CARF: variants seen among roughly 807,000 people sequenced by gnomAD.
CARF encodes calcium-responsive transcription factor.
In CARF, 57 loss-of-function variants were observed where a neutral mutation model predicts 82.0. The observed-to-expected ratio is 0.70, with a 90% CI of 0.56 to 0.87. The LOEUF (loss-of-function observed/expected upper bound fraction) is 0.87, where lower values mean the gene tolerates loss of function less well. CARF is among the 40% of genes least tolerant of loss of function. The pLI is 0.00. For synonymous variants in CARF, 268 were observed against 290.1 expected, an observed-to-expected ratio of 0.92 and a Z score of 0.77; for missense variants, 771 against 855.8, an observed-to-expected ratio of 0.90 and a Z score of 1.24.
At position 202,986,172 on chromosome 2, in the gene CARF, G is replaced by T. The variant is rs2060421265; in HGVS notation, c.*2548G>T. ...TTCAAGGAGTAGCTCTTTAAAAATG[G>T]TTTCTAAATTAGATTTTAAAAATTC... is the stretch of plus-strand genomic sequence containing the variant. On this transcript the variant is annotated 3_prime_UTR_variant, in exon 17 of 17. Coordinates refer to ENST00000438828, the MANE Select transcript of CARF (RefSeq NM_024744.17). The T allele has an allele frequency of 6.6e-6, 1 of 152,000 alleles. No individual in the cohort carries two copies. The highest frequency in any genetic ancestry group is 2.1e-4 in the South Asian group (1 of 4,824). 9.4% of individuals were successfully genotyped at this position (152,000 alleles called of 1,614,324 possible).
At chr2:202,958,045 A>G (rs2059132116) in intron 8 of CARF, among the ~76,000 whole-genome samples, 2 of 152,196 alleles carry the variant, frequency 1.3e-5, no homozygotes, top group African/African-American at 4.8e-5. Context: ...TACTCTATAT[A>G]CAAACCATAG....
intron 14 of CARF, among the ~76,000 whole-genome samples, chr2:202,979,331 T>C (rs2060153549): frequency 1.3e-5 from 2 of 152,108 alleles, no homozygotes; most frequent in Non-Finnish European, 2.9e-5. Context: ...CTTGAGATTT[T>C]AGAGGTAGGA....
chr2:202,925,282 G>T (rs950134523), intron 3 of CARF: 3 of 358,958 alleles, frequency 8.4e-6, no homozygotes, highest in Non-Finnish European at 1.6e-5. Context: ...TCACCTGGAA[G>T]AGCTGACTGA....
chr2:202,972,276 C>G (rs2059818824), intron 12 of CARF, among the ~76,000 whole-genome samples: 1 of 151,928 alleles, frequency 6.6e-6, no homozygotes, highest in Non-Finnish European at 1.5e-5. Context: ...AGGCTTTTTA[C>G]ATGTATGATC....
chr2:202,982,333 G>T lies in CARF; in HGVS notation c.1951G>T (p.Val651Phe). 6.2e-7 allele frequency: 1 copy of T among 1,614,156 alleles called. No individual in the cohort carries two copies. Among genetic ancestry groups the T allele is most frequent in the Non-Finnish European group, 8.5e-7 (1 of 1,180,024 alleles). The change falls in exon 16 of 17, where the codon GTT (valine) becomes TTT (phenylalanine). Residue 651 changes from valine (V) to phenylalanine (F), a missense_variant. Transcript: ENST00000438828. The part of the protein sequence containing the change: ...NLVAMDELVE[V>F]GDVEDTGNLE... ...AGTTGCAATGGACGAGCTGGTAGAA[G>T]TTGGAGATGTTGAGGATACAGGGAA...
At chr2:202,937,130 G>A (rs1270761874) in intron 3 of CARF, among the ~76,000 whole-genome samples, 4 of 152,184 alleles carry the variant, frequency 2.6e-5, no homozygotes, top group South Asian at 2.1e-4. Flanking sequence ...CTGGACTCTC[G>A]ATTCTGTTGT....
chr2:202,957,291 G>A (rs1244345068), intron 8 of CARF, among the ~76,000 whole-genome samples: 1 of 152,066 alleles, frequency 6.6e-6, no homozygotes, highest in African/African-American at 2.4e-5. Flanking sequence ...TTTTCTCAGT[G>A]CCCAATAAGT....
At chr2:202,940,564 G>A (rs931127092) in intron 3 of CARF, among the ~76,000 whole-genome samples, 3 of 151,966 alleles carry the variant, frequency 2.0e-5, no homozygotes, top group Admixed American at 6.6e-5. Flanking sequence ...AAAGGATACT[G>A]GAGTCTTAAT....
rs80320708 is a variant in CARF, at chr2:202,940,619, A to G, written c.-43-1241A>G. 6.8e-3 allele frequency among the ~76,000 whole-genome samples: 1,039 copies of G among 152,180 alleles called. 7 individuals are homozygous for G. The highest frequency in any genetic ancestry group is 0.011 in the Non-Finnish European group (755 of 68,002). Reference sequence around the variant, plus strand: ...ATAGTAGCTGCATTTTTTTCTTACCAGAAGCCAGGTTACACTCTTCACCCA... The same window carrying G: ...ATAGTAGCTGCATTTTTTTCTTACCGGAAGCCAGGTTACACTCTTCACCCA... On this transcript the variant is annotated intron_variant, in intron 3 of 16. Coordinates refer to ENST00000438828, the MANE Select transcript of CARF (RefSeq NM_024744.17).
chr2:202,952,765 A>G (rs1389919354), intron 6 of CARF, 86 bp downstream of exon 6: 3 of 1,337,854 alleles, frequency 2.2e-6, no homozygotes, highest in African/African-American at 1.5e-5. Context: ...AGTCAGTGCT[A>G]AAGTTGATTT....
intron 13 of CARF, 49 bp downstream of exon 13, chr2:202,974,545 A>G (rs1247209008): frequency 2.0e-6 from 3 of 1,501,902 alleles, no homozygotes; most frequent in Admixed American, 2.3e-5. Context: ...CTCAGCTTCT[A>G]TTAATATTTA....
At chr2:202,956,243 A>T (rs2105863567) in intron 8 of CARF, among the ~76,000 whole-genome samples, 1 of 151,794 alleles carries the variant, frequency 6.6e-6, no homozygotes, top group Non-Finnish European at 1.5e-5. Context: ...TTATTTATTT[A>T]TGTATTTATG....
rs1429542495 is a variant in CARF, at chr2:202,986,897, T to TATACATATATATATATATATAC, written c.*3276_*3277insCATATATATATATATATACATA. The TATACATATATATATATATATAC allele has an allele frequency of 4.4e-4, 60 of 135,914 alleles. No individual in the cohort carries two copies. Among genetic ancestry groups the TATACATATATATATATATATAC allele is most frequent in the South Asian group, 9.6e-4 (4 of 4,188 alleles). 8.4% of individuals were successfully genotyped at this position (135,914 alleles called of 1,614,324 possible). On this transcript the variant is annotated 3_prime_UTR_variant, in exon 17 of 17. Coordinates refer to ENST00000438828, the MANE Select transcript of CARF (RefSeq NM_024744.17). Reference sequence around the variant, plus strand: ...ATATATATATATATATATATATATATATATATATATAGCAACTTGATGTAT... The same window carrying TATACATATATATATATATATAC: ...ATATATATATATATATATATATATATATACATATATATATATATATACATATATATATAGCAACTTGATGTAT...
At chr2:202,937,169 A>G (rs925373566) in intron 3 of CARF, among the ~76,000 whole-genome samples, 1 of 152,146 alleles carries the variant, frequency 6.6e-6, no homozygotes, top group African/African-American at 2.4e-5. Context: ...CCCTCTGAGC[A>G]CTGCTTTTTT....
intron 3 of CARF, among the ~76,000 whole-genome samples, chr2:202,932,773 G>A (rs1288082144): frequency 6.6e-6 from 1 of 152,010 alleles, no homozygotes; most frequent in African/African-American, 2.4e-5. Context: ...GGGTGTCTTA[G>A]CAGCTCAGAC....
intron 3 of CARF, among the ~76,000 whole-genome samples, chr2:202,930,407 A>G (rs573673246): frequency 3.8e-4 from 58 of 151,968 alleles, no homozygotes; most frequent in Non-Finnish European, 7.7e-4. Flanking sequence ...TTCTTTGTTC[A>G]TTTTCATCAT....
Position 202,974,499 on chromosome 2 carries a change from A to T in CARF, c.1494+3A>T. The T allele has an allele frequency of 6.3e-7, 1 of 1,594,120 alleles. No homozygotes were observed. The highest frequency in any genetic ancestry group is 8.5e-7 in the Non-Finnish European group (1 of 1,173,676). On this transcript the variant is annotated splice_donor_region_variant and intron_variant, in intron 13 of 16. Coordinates refer to ENST00000438828, the MANE Select transcript of CARF (RefSeq NM_024744.17). ...ACTCAGAGATTATTCCAGCAACGGT[A>T]TGATTACAACCATAATTCCTTATTA...
At chr2:202,963,949 A>G (rs900804374) in intron 9 of CARF, among the ~76,000 whole-genome samples, 1 of 152,118 alleles carries the variant, frequency 6.6e-6, no homozygotes, top group Non-Finnish European at 1.5e-5. Context: ...CCTGGTTCCT[A>G]TCAGGCTACA....
At chr2:202,972,674 T>TA (rs35376227) in intron 12 of CARF, among the ~76,000 whole-genome samples, 2,566 of 102,974 alleles carry the variant, frequency 0.025, 132 homozygotes, top group African/African-American at 0.09. Context: ...AGACTCCGTC[T>TA]AAAAAAAAAA....
Sources: allele counts gnomAD v4.1 joint callset (sites outside exome capture counted in the v4.1 genomes callset), GRCh38; gene constraint gnomAD v4.1.1; transcripts MANE v1.5; gene names NCBI Gene and HGNC (gene_info 2026-07-23, HGNC 2026-07-21).